Variants in TAFA1 observed in about 807,000 individuals in gnomAD.
TAFA1 encodes TAFA chemokine like family member 1.
In TAFA1, 4 loss-of-function variants were observed where a neutral mutation model predicts 18.5. The ratio of observed to expected loss-of-function variants is 0.22; its 90% CI spans 0.11 to 0.49. The LOEUF (loss-of-function observed/expected upper bound fraction) is 0.49, where lower values mean the gene tolerates loss of function less well. Among genes scored for constraint, TAFA1 ranks in the 20% least tolerant of loss-of-function variants. TAFA1 has a pLI of 0.98. For missense variants in TAFA1, 147 were observed against 169.0 expected, an observed-to-expected ratio of 0.87 and a Z score of 0.72; for synonymous variants, 56 against 55.2, an observed-to-expected ratio of 1.01 and a Z score of -0.06.
At chr3:68,205,296 T>C (rs895464045) in intron 2 of TAFA1, among the ~76,000 whole-genome samples, 4 of 151,904 alleles carry the variant, frequency 2.6e-5, no homozygotes, top group African/African-American at 9.7e-5. Flanking sequence ...GTTATGTTCA[T>C]TTCAGAACCC....
intron 2 of TAFA1, among the ~76,000 whole-genome samples, chr3:68,345,657 C>T (rs779022291): frequency 2.6e-5 from 4 of 152,118 alleles, no homozygotes; most frequent in Non-Finnish European, 5.9e-5. Context: ...TCATTCAAGT[C>T]TTTGCTATTG....
chr3:68,103,603 G>A (rs912167712), intron 2 of TAFA1, among the ~76,000 whole-genome samples: 11 of 152,130 alleles, frequency 7.2e-5, no homozygotes, highest in Non-Finnish European at 1.6e-4. Context: ...GAATTAATAA[G>A]TGTCTGGAAG....
chr3:68,106,460 T>C (rs1463421348), intron 2 of TAFA1, among the ~76,000 whole-genome samples: 2 of 152,128 alleles, frequency 1.3e-5, no homozygotes, highest in Non-Finnish European at 2.9e-5. Flanking sequence ...AGGCACCATA[T>C]GTGACTGGTG....
At chr3:68,249,693 G>C (rs939357394) in intron 2 of TAFA1, among the ~76,000 whole-genome samples, 2 of 152,110 alleles carry the variant, frequency 1.3e-5, no homozygotes, top group Non-Finnish European at 1.5e-5. Flanking sequence ...GAAAGAAGAA[G>C]AAAACTGAAA....
At chr3:68,370,349 T>TAC (rs2069663367) in intron 2 of TAFA1, among the ~76,000 whole-genome samples, 1 of 61,064 alleles carries the variant, frequency 1.6e-5, no homozygotes, top group Non-Finnish European at 2.9e-5. Context: ...TATATATATA[T>TAC]ATATACACAC....
intron 2 of TAFA1, among the ~76,000 whole-genome samples, chr3:68,170,863 A>AACACAC (rs71112619): frequency 3.4e-5 from 5 of 146,244 alleles, no homozygotes; most frequent in South Asian, 4.3e-4. Flanking sequence ...CACACACAGA[A>AACACAC]ACACACACAC....
intron 2 of TAFA1, among the ~76,000 whole-genome samples, chr3:68,377,749 G>A (rs1190039148): frequency 6.6e-6 from 1 of 152,100 alleles, no homozygotes; most frequent in Non-Finnish European, 1.5e-5. Context: ...TCAAAGCCTA[G>A]GAGAAAAAAA....
At chr3:68,392,349 A>T (rs2070278501) in intron 2 of TAFA1, among the ~76,000 whole-genome samples, 1 of 152,140 alleles carries the variant, frequency 6.6e-6, no homozygotes, top group Admixed American at 6.5e-5. Context: ...AGGAGCACCC[A>T]GATTCATAAA....
intron 2 of TAFA1, among the ~76,000 whole-genome samples, chr3:68,084,124 A>G (rs773738461): frequency 7.9e-5 from 12 of 152,148 alleles, no homozygotes; most frequent in Non-Finnish European, 1.6e-4. Context: ...ACGTGATGTG[A>G]TGGGTATACT....
intron 3 of TAFA1, among the ~76,000 whole-genome samples, chr3:68,506,873 C>T (rs2072767691): frequency 6.6e-6 from 1 of 151,930 alleles, no homozygotes; most frequent in South Asian, 2.1e-4. Context: ...AGCCACAGTG[C>T]AAATGAATCA....
intron 2 of TAFA1, among the ~76,000 whole-genome samples, chr3:68,041,360 A>T (rs1340383630): frequency 6.6e-6 from 1 of 152,248 alleles, no homozygotes; most frequent in Non-Finnish European, 1.5e-5. Flanking sequence ...GCATGGATTA[A>T]AGTTAGAGAA....
rs186000995 is a variant in TAFA1, at chr3:68,229,438, G to A, written c.119-187842G>A. On this transcript the variant is annotated intron_variant, in intron 2 of 4. Coordinates refer to ENST00000478136, the MANE Select transcript of TAFA1 (RefSeq NM_213609.4). The stretch of plus-strand genomic sequence containing the variant: ...TGTCATCGCTCAACCATTTTCACTG[G>A]TTTGTGGTTGAGATGGGATTTTAAA... Among the ~76,000 whole-genome samples the A allele has an allele frequency of 3.3e-3, 495 of 152,268 alleles. 3 individuals carry two copies. Among genetic ancestry groups the A allele is most frequent in the African/African-American group, 0.011 (460 of 41,550 alleles).
intron 2 of TAFA1, among the ~76,000 whole-genome samples, chr3:68,146,200 G>T (rs761000256): frequency 6.6e-5 from 10 of 152,194 alleles, no homozygotes; most frequent in Non-Finnish European, 1.5e-4. Context: ...CTGTCAAAAT[G>T]CAGATTCTGG....
At chr3:68,393,141 C>A (rs1372749134) in intron 2 of TAFA1, among the ~76,000 whole-genome samples, 1 of 151,890 alleles carries the variant, frequency 6.6e-6, no homozygotes, top group Non-Finnish European at 1.5e-5. Flanking sequence ...ATCAAGTAGA[C>A]ACACACACAG....
intron 2 of TAFA1, among the ~76,000 whole-genome samples, chr3:68,406,283 A>G (rs1262850930): frequency 1.3e-5 from 2 of 152,168 alleles, no homozygotes; most frequent in African/African-American, 4.8e-5. Context: ...TCAGCCCTAA[A>G]GGATAGCACT....
chr3:68,276,716 C>T (rs1387733486), intron 2 of TAFA1, among the ~76,000 whole-genome samples: 4 of 151,980 alleles, frequency 2.6e-5, no homozygotes, highest in Admixed American at 6.6e-5. Context: ...TAGAGTAAAC[C>T]TCCTTTATCA....
At chr3:68,513,607 A>G (rs1337373623) in intron 3 of TAFA1, among the ~76,000 whole-genome samples, 3 of 152,128 alleles carry the variant, frequency 2.0e-5, no homozygotes, top group Non-Finnish European at 4.4e-5. Context: ...ATGCATTCAA[A>G]TAAGTCCCTC....
At chr3:68,394,991 T>C (rs1268019028) in intron 2 of TAFA1, among the ~76,000 whole-genome samples, 2 of 152,024 alleles carry the variant, frequency 1.3e-5, no homozygotes, top group Non-Finnish European at 2.9e-5. Flanking sequence ...CAGAAGAAAC[T>C]ATCATCTGAG....
chr3:68,367,947 C>G (rs2069604166), intron 2 of TAFA1, among the ~76,000 whole-genome samples: 1 of 151,944 alleles, frequency 6.6e-6, no homozygotes, highest in African/African-American at 2.4e-5. Flanking sequence ...TAGCTGCTGC[C>G]CATATCTAGT....
Sources: gnomAD v4.1 joint callset for allele counts (sites outside exome capture counted in the v4.1 genomes callset) on GRCh38, gnomAD v4.1.1 for gene constraint, MANE v1.5 for transcripts, NCBI Gene and HGNC (gene_info 2026-07-23, HGNC 2026-07-21) for gene names.